RINT1: variants seen among roughly 807,000 people sequenced by gnomAD.
The protein encoded by RINT1 is RAD50 interactor 1.
Under a neutral mutation model 97.7 loss-of-function variants are expected in RINT1, and 75 were observed. That is an observed-to-expected ratio of 0.77 (90% CI 0.64 to 0.93). The LOEUF is 0.93. Among genes scored for constraint, RINT1 ranks in the 40% least tolerant of loss-of-function variants. The probability of loss-of-function intolerance (pLI) is 0.00; values close to 1 mark genes in which losing one functional copy is unlikely to be tolerated. For synonymous variants in RINT1, 303 were observed against 326.3 expected (o/e 0.93, Z 0.77); for missense variants, 892 against 925.2 (o/e 0.96, Z 0.47).
chr7:105,554,817 T>G (rs1383510761), intron 10 of RINT1, among the ~76,000 whole-genome samples: 1 of 152,228 alleles, frequency 6.6e-6, no homozygotes, highest in Non-Finnish European at 1.5e-5. Flanking sequence ...CAGTGTAATG[T>G]GCAGATCTTA....
At chr7:105,563,686 T>C (rs1186495792) in intron 11 of RINT1, 47 bp from the exon 12 acceptor site, 16 of 1,464,362 alleles carry the variant, frequency 1.1e-5, no homozygotes, top group Non-Finnish European at 1.3e-5. Context: ...TATTTCAAAC[T>C]GTTAAAAAAA....
intron 3 of RINT1, among the ~76,000 whole-genome samples, chr7:105,541,221 C>A (rs1790444007): frequency 6.6e-6 from 1 of 151,792 alleles, no homozygotes; most frequent in Non-Finnish European, 1.5e-5. Flanking sequence ...CAGCTCACTG[C>A]AACCTCCTCC....
chr7:105,553,046 CTT>C (rs1204862817), intron 10 of RINT1, among the ~76,000 whole-genome samples: 1 of 152,026 alleles, frequency 6.6e-6, no homozygotes, highest in Non-Finnish European at 1.5e-5. Context: ...ATTCATGTCT[CTT>C]AAAAACTTTT....
chr7:105,542,266 T>G, intron 3 of RINT1, 142 bp from the exon 4 acceptor site: 1 of 633,532 alleles, frequency 1.6e-6, no homozygotes, highest in South Asian at 2.0e-5. Context: ...GCCCAGGAAG[T>G]CCAGGCTGCA....
chr7:105,565,767 A>G (rs1414706353), intron 14 of RINT1, 119 bp downstream of exon 14: 1 of 660,882 alleles, frequency 1.5e-6, no homozygotes, highest in African/African-American at 1.8e-5. Flanking sequence ...AAATTTTAAA[A>G]CATTGTCTAT....
At chr7:105,554,920 G>T in intron 10 of RINT1, 108 bp from the exon 11 acceptor site, 4 of 792,480 alleles carry the variant, frequency 5.0e-6, no homozygotes. Context: ...TTGACTACTG[G>T]TCAATTGATT....
intron 11 of RINT1, among the ~76,000 whole-genome samples, chr7:105,563,429 C>T (rs1263345722): frequency 1.3e-5 from 2 of 151,988 alleles, no homozygotes; most frequent in African/African-American, 2.4e-5. Flanking sequence ...GGCATGATCT[C>T]GGCTCACTGC....
Position 105,536,848 on chromosome 7 carries a change from C to T in RINT1, c.273+99C>T, listed in dbSNP as rs113177544. 1.2e-4 allele frequency: 80 copies of T among 663,480 alleles called. 1 individual carries two copies. The South Asian group carries it at 1.5e-3, about 12-fold the overall frequency. 41.1% of individuals were successfully genotyped at this position (663,480 alleles called of 1,614,324 possible). A position where few individuals can be genotyped will look rare whatever the true frequency, so the allele number is the denominator to read the frequency against. ...TATATAGAATTTTAAAGATATAGAACGTGACAAATAGTCTATTATATACTG... is the reference window on the plus strand; with the variant it reads ...TATATAGAATTTTAAAGATATAGAATGTGACAAATAGTCTATTATATACTG... On this transcript the variant is annotated intron_variant, in intron 3 of 14. Coordinates refer to ENST00000257700, the MANE Select transcript of RINT1 (RefSeq NM_021930.6).
chr7:105,532,580 G>A lies in RINT1; in HGVS notation c.42+223G>A, dbSNP rs577103883. 3.9e-5 allele frequency among the ~76,000 whole-genome samples: 6 copies of A among 152,290 alleles called. No individual in the cohort carries two copies. In the South Asian group the frequency reaches 1.2e-3, roughly 32 times the overall value. On this transcript the variant is annotated intron_variant, in intron 1 of 14. Coordinates refer to ENST00000257700, the MANE Select transcript of RINT1 (RefSeq NM_021930.6). ...GATGACAGATTTCTCTAGGGAGGTG[G>A]CTCTAGTGAGCAGGCAAGGTAACTC...
At chr7:105,545,207 T>C (rs1790611981) in intron 4 of RINT1, among the ~76,000 whole-genome samples, 1 of 151,960 alleles carries the variant, frequency 6.6e-6, no homozygotes, top group South Asian at 2.1e-4. Context: ...TCCTAGCACT[T>C]TGAGAGGCTG....
chr7:105,541,367 C>T (rs1292915393), intron 3 of RINT1, among the ~76,000 whole-genome samples: 1 of 150,956 alleles, frequency 6.6e-6, no homozygotes, highest in Non-Finnish European at 1.5e-5. Flanking sequence ...GAACTCCTGA[C>T]CTCAAATGAT....
Position 105,565,416 on chromosome 7 carries a change from C to G in RINT1, c.2026C>G (p.Gln676Glu), listed in dbSNP as rs779310406. The change falls in exon 13 of 15, where the codon CAA becomes GAA. Residue 676 changes from glutamine (Q) to glutamate (E), a missense_variant. Transcript: ENST00000257700. Reference protein sequence around the residue: ...LCFSLFKIFWQMLVEKLDVYI... With the variant: ...LCFSLFKIFWEMLVEKLDVYI... ...TTTCTCCTTATTTAAAATTTTCTGG[C>G]AAATGCTTGTAGAGAAGCTGGATGT... The G allele has an allele frequency of 6.2e-7, 1 of 1,614,114 alleles. No homozygotes were observed.
At chr7:105,546,510 A>C (rs1314926514) in intron 4 of RINT1, among the ~76,000 whole-genome samples, 1 of 152,158 alleles carries the variant, frequency 6.6e-6, no homozygotes, top group Non-Finnish European at 1.5e-5. Context: ...CCTTGGATGT[A>C]ACTTTATATA....
At position 105,567,613 on chromosome 7, in the gene RINT1, GTGC is replaced by G; in HGVS notation, c.*304_*306del. 1 of 557,048 alleles carries G rather than the reference GTGC, an allele frequency of 1.8e-6. No homozygotes were observed. The highest frequency in any genetic ancestry group is 3.2e-6 in the Non-Finnish European group (1 of 316,242). The allele number at this position is 557,048 out of a possible 1,614,324, so 34.5% of individuals were successfully genotyped here. A position where few individuals can be genotyped will look rare whatever the true frequency, so the allele number is the denominator to read the frequency against. ...AATTATAACCAACTTTCAATTTCCT[GTGC>G]TAATTAAGGGAAATTCTGTTGTGGA... On this transcript the variant is annotated 3_prime_UTR_variant, in exon 15 of 15. Coordinates refer to ENST00000257700, the MANE Select transcript of RINT1 (RefSeq NM_021930.6).
intron 2 of RINT1, among the ~76,000 whole-genome samples, chr7:105,534,487 TTTTA>T: frequency 6.6e-6 from 1 of 151,890 alleles, no homozygotes; most frequent in East Asian, 1.9e-4. Flanking sequence ...AAATCACTTG[TTTTA>T]TTTAAGATTT....
At chr7:105,544,458 G>A (rs1476009018) in intron 4 of RINT1, among the ~76,000 whole-genome samples, 1 of 145,736 alleles carries the variant, frequency 6.9e-6, no homozygotes, top group Non-Finnish European at 1.5e-5. Context: ...TTTTTGAGTT[G>A]GAATCTTCCT....
At position 105,542,469 on chromosome 7, in the gene RINT1, A is replaced by T. The variant is rs757982808; in HGVS notation, c.335A>T (p.Glu112Val). Residue 112 changes from glutamate (E) to valine (V), a missense_variant, in exon 4 of 15, where the codon GAA (glutamate) becomes GTA (valine). Glu to Val is a moderately radical substitution (Grantham distance 121). Transcript: ENST00000257700. ...CGAAGTGCCTTAAAAAATGCAGAAG[A>T]ATCAAAGCAATTTCTTAATCAGTTT... Reference protein sequence around the residue: ...RIRSALKNAEESKQFLNQFLE... With the variant: ...RIRSALKNAEVSKQFLNQFLE... 1.2e-6 allele frequency: 2 copies of T among 1,613,884 alleles called. No individual in the cohort carries two copies. Among genetic ancestry groups the T allele is most frequent in the Non-Finnish European group, 1.7e-6 (2 of 1,179,780 alleles).
Position 105,555,171 on chromosome 7 carries a change from A to T in RINT1, c.1615A>T (p.Ile539Phe), listed in dbSNP as rs765128005. ...RASLGFRYCA[I>F]LNAVNYISTV... ...TTCCCTTGGCTTTCGATACTGTGCAATTCTTAATGCTGTGAACTACATCTC... is the reference window on the plus strand; with the variant it reads ...TTCCCTTGGCTTTCGATACTGTGCATTTCTTAATGCTGTGAACTACATCTC... The change falls in exon 11 of 15, where the codon ATT (isoleucine) becomes TTT (phenylalanine). Residue 539 changes from isoleucine to phenylalanine, a missense_variant. Transcript: ENST00000257700. 6.2e-7 allele frequency: 1 copy of T among 1,614,092 alleles called. No homozygotes were observed. The highest frequency in any genetic ancestry group is 8.5e-7 in the Non-Finnish European group (1 of 1,179,998).
At chr7:105,535,355 G>A (rs1419705921) in intron 2 of RINT1, among the ~76,000 whole-genome samples, 1 of 149,082 alleles carries the variant, frequency 6.7e-6, no homozygotes, top group Admixed American at 6.8e-5. Context: ...TCAGCCTCCC[G>A]AGTAGCTGGG....
Sources: allele counts gnomAD v4.1 joint callset (sites outside exome capture counted in the v4.1 genomes callset), GRCh38; gene constraint gnomAD v4.1.1; transcripts MANE v1.5; gene names NCBI Gene and HGNC (gene_info 2026-07-23, HGNC 2026-07-21).